FADS2: variants seen among roughly 807,000 people sequenced by gnomAD.
The protein encoded by FADS2 is fatty acid desaturase 2, also known as acyl-CoA 6-desaturase.
A neutral mutation model predicts 61.2 loss-of-function variants in FADS2; 18 were observed. That is an observed-to-expected ratio of 0.29 (90% CI 0.20 to 0.44). The LOEUF is 0.44. Ranked by LOEUF, FADS2 falls within the 20% of genes least tolerant of loss-of-function variation. The pLI is 1.00. For synonymous variants in FADS2, 203 were observed against 223.9 expected (o/e 0.91, Z 0.83); for missense variants, 322 against 572.7 (o/e 0.56, Z 4.47).
chr11:61,826,587 C>A (rs917044241), upstream of FADS2: 2 of 591,698 alleles, frequency 3.4e-6, no homozygotes, highest in Admixed American at 6.1e-5. Context: ...ACCATACTCT[C>A]TGGAGGTCTT....
At chr11:61,824,431 AGAGGGAGGGAGGGAG>A (rs2067057001), upstream of FADS2, among the ~76,000 whole-genome samples, 1 of 3,824 alleles carries the variant, frequency 2.6e-4, no homozygotes, top group African/African-American at 5.3e-4. Context: ...AGAGAGAGAG[AGAGGGAGGGAGGGAG>A]GGAGGGAGGG....
chr11:61,834,528 G>A (rs1484532608), intron 1 of FADS2, among the ~76,000 whole-genome samples: 5 of 152,188 alleles, frequency 3.3e-5, no homozygotes, highest in Non-Finnish European at 5.9e-5. Context: ...GGAAATGGCT[G>A]AGCAGCAACC....
In FADS2 at chr11:61,859,723, A is replaced by AT. The variant is rs1555078211; in HGVS notation, c.882+2194dup. On this transcript the variant is annotated intron_variant, in intron 7 of 11. Transcript: ENST00000278840. The stretch of plus-strand genomic sequence containing the variant: ...GGCCTATTGCCGGGCGCAGTCACTC[A>AT]TGCTTGTTATCCCAGCACTTTGAGA... Among the ~76,000 whole-genome samples, 410 of 152,210 alleles carry AT rather than the reference A, an allele frequency of 2.7e-3. 4 individuals carry two copies. The highest frequency in any genetic ancestry group is 9.4e-3 in the African/African-American group (389 of 41,492).
At chr11:61,852,982 C>T (rs1411693812) in intron 5 of FADS2, among the ~76,000 whole-genome samples, 1 of 152,030 alleles carries the variant, frequency 6.6e-6, no homozygotes, top group Admixed American at 6.5e-5. Context: ...ATGAAACCAC[C>T]GTCTCTACTA....
intron 5 of FADS2, among the ~76,000 whole-genome samples, chr11:61,849,103 G>A (rs1352454404): frequency 2.0e-5 from 3 of 152,004 alleles, no homozygotes; most frequent in Non-Finnish European, 4.4e-5. Flanking sequence ...TTTCACCATG[G>A]CCAGGCTGGT....
intron 5 of FADS2, among the ~76,000 whole-genome samples, chr11:61,853,930 G>A (rs1195497179): frequency 2.6e-5 from 4 of 152,262 alleles, no homozygotes; most frequent in Non-Finnish European, 5.9e-5. Flanking sequence ...CACATGGCCC[G>A]GCATCCCCCA....
intron 5 of FADS2, chr11:61,856,806 G>T (rs143209834): frequency 1.0e-5 from 6 of 585,218 alleles, no homozygotes; most frequent in Non-Finnish European, 1.8e-5. Context: ...CTGAGGAAGC[G>T]TTGGCCGCTG....
chr11:61,827,897 G>A, upstream of FADS2: 1 of 371,354 alleles, frequency 2.7e-6, no homozygotes, highest in Non-Finnish European at 3.8e-6. The surrounding 1 kb of genome is among the most constrained non-coding windows in gnomAD (Gnocchi z 4.5). Flanking sequence ...GGGGAGCCGG[G>A]GACCCGCCGC....
chr11:61,844,344 G>A (rs766303818), intron 4 of FADS2, among the ~76,000 whole-genome samples: 12 of 151,994 alleles, frequency 7.9e-5, no homozygotes, highest in Non-Finnish European at 1.3e-4. Flanking sequence ...GGTGACGCAG[G>A]TAGATCACTT....
chr11:61,857,435 GCCTGT>G lies in FADS2; in HGVS notation c.806-17_806-13del, dbSNP rs775038090. 56 of 1,611,412 alleles carry G rather than the reference GCCTGT, an allele frequency of 3.5e-5. No individual in the cohort carries two copies. Among genetic ancestry groups the G allele is most frequent in the Non-Finnish European group, 5.1e-6 (6 of 1,178,070 alleles). On this transcript the variant is annotated splice_polypyrimidine_tract_variant and intron_variant, in intron 6 of 11. Coordinates refer to ENST00000278840, the MANE Select transcript of FADS2 (RefSeq NM_004265.4). ...CAGGGTGGAATGGATGCCTCTAAGC[GCCTGT>G]CTCTCTCCTGCAGTTGGGCCGCCGC...
intron 7 of FADS2, among the ~76,000 whole-genome samples, chr11:61,858,648 C>T (rs201250519): frequency 3.4e-5 from 5 of 148,712 alleles, no homozygotes; most frequent in East Asian, 4.1e-4. Context: ...TGCAGTGGTG[C>T]GATCTCGGCT....
Position 61,857,402 on chromosome 11 carries a change from G to A in FADS2, c.806-52G>A, listed in dbSNP as rs1023902818. 58 of 1,544,400 alleles carry A rather than the reference G, an allele frequency of 3.8e-5. 1 individual carries two copies. Among genetic ancestry groups the A allele is most frequent in the Middle Eastern group, 1.7e-4 (1 of 5,966 alleles). ...TGGGCCTGGGTTCCCCTGACCTTCC[G>A]GCACAGGCAGGGTGGAATGGATGCC... On this transcript the variant is annotated intron_variant, in intron 6 of 11. Coordinates refer to ENST00000278840, the MANE Select transcript of FADS2 (RefSeq NM_004265.4).
At position 61,863,351 on chromosome 11, in the gene FADS2, G is replaced by A. The variant is rs199620237; in HGVS notation, c.1050G>A (p.Glu350=). Residue 350 remains glutamate (E), a synonymous_variant, in exon 9 of 12, where the codon GAG becomes GAA. Transcript: ENST00000278840. ...ACATCGTCATGGAGATTGACCAGGA[G>A]GCCTACCGTGACTGGTTCAGTAGCC... ...MNHIVMEIDQ[E]AYRDWFSSQL... is the part of the protein sequence containing the mutation. 185 of 1,613,946 alleles carry A rather than the reference G, an allele frequency of 1.1e-4. No individual in the cohort carries two copies. The highest frequency in any genetic ancestry group is 1.2e-4 in the Non-Finnish European group (137 of 1,179,802).
rs762962911 is a variant in FADS2, at chr11:61,816,441, C to T, written c.141+15C>T. ...CCGGGCAACAGGTATGATCAGGCGCCTCCGGGCTTTCCTCCGAATTAGTCG... is the reference window on the plus strand; with the variant it reads ...CCGGGCAACAGGTATGATCAGGCGCTTCCGGGCTTTCCTCCGAATTAGTCG... On this transcript the variant is annotated intron_variant, in intron 1 of 11. Transcript: ENST00000257261. The surrounding 1 kb of genome is among the most constrained non-coding windows in gnomAD (Gnocchi z 7.0). The T allele has an allele frequency of 2.5e-6, 4 of 1,599,298 alleles. No individual in the cohort carries two copies. In the Admixed American group the frequency reaches 5.0e-5, roughly 20 times the overall value.
chr11:61,865,436 G>T lies in FADS2; in HGVS notation c.1283+159G>T. ...GGAGCTGTTGGGCTTTTCTCCCTGGGCTGCGAGAAGACCATCCCTTTCTGT... is the reference window on the plus strand; with the variant it reads ...GGAGCTGTTGGGCTTTTCTCCCTGGTCTGCGAGAAGACCATCCCTTTCTGT... On this transcript the variant is annotated intron_variant, in intron 11 of 11. Coordinates refer to ENST00000278840, the MANE Select transcript of FADS2 (RefSeq NM_004265.4). The surrounding 1 kb of genome is among the most constrained non-coding windows in gnomAD (Gnocchi z 4.1). 2.0e-6 allele frequency: 2 copies of T among 1,015,948 alleles called. No homozygotes were observed. Among genetic ancestry groups the T allele is most frequent in the Non-Finnish European group, 1.4e-6 (1 of 699,088 alleles). The allele number at this position is 1,015,948 out of a possible 1,614,324, so 62.9% of individuals were successfully genotyped here. A position where few individuals can be genotyped will look rare whatever the true frequency, so the allele number is the denominator to read the frequency against.
chr11:61,858,216 C>G (rs922481502), intron 7 of FADS2, among the ~76,000 whole-genome samples: 4 of 151,190 alleles, frequency 2.6e-5, no homozygotes, highest in African/African-American at 7.3e-5. Flanking sequence ...GAGACAGAGT[C>G]ACATAGGCTG....
upstream of FADS2, among the ~76,000 whole-genome samples, chr11:61,827,079 T>A (rs2067091734): frequency 6.6e-6 from 1 of 152,138 alleles, no homozygotes; most frequent in South Asian, 2.1e-4. The surrounding 1 kb of genome is among the most constrained non-coding windows in gnomAD (Gnocchi z 4.5). Context: ...TCTCTGTTCA[T>A]CCTTACTTCC....
intron 4 of FADS2, among the ~76,000 whole-genome samples, chr11:61,844,701 AG>A (rs1839554495): frequency 6.6e-6 from 1 of 152,104 alleles, no homozygotes; most frequent in East Asian, 1.9e-4. Flanking sequence ...TGAGGAGGGC[AG>A]ATCACAAGGT....
intron 4 of FADS2, chr11:61,847,926 C>T: frequency 2.0e-6 from 1 of 506,060 alleles, no homozygotes; most frequent in South Asian, 2.1e-5. Context: ...CCACCATCGT[C>T]TTATGATCAG....
Sources: allele counts gnomAD v4.1 joint callset (sites outside exome capture counted in the v4.1 genomes callset), GRCh38; gene constraint gnomAD v4.1.1; non-coding constraint Gnocchi (gnomAD v3.1); transcripts MANE v1.5; gene names NCBI Gene and HGNC (gene_info 2026-07-23, HGNC 2026-07-21).